GHR: variants seen among roughly 807,000 people sequenced by gnomAD.
GHR encodes growth hormone receptor.
Under a neutral mutation model 67.1 loss-of-function variants are expected in GHR, and 35 were observed. The observed-to-expected ratio is 0.52, with a 90% confidence interval of 0.40 to 0.69. The LOEUF is 0.69. Ranked by LOEUF, GHR falls within the 30% of genes least tolerant of loss-of-function variation. The probability of loss-of-function intolerance (pLI) is 0.00; values close to 1 mark genes in which losing one functional copy is unlikely to be tolerated. For synonymous variants in GHR, 272 were observed against 269.1 expected, an observed-to-expected ratio of 1.01 and a Z score of -0.10; for missense variants, 792 against 764.6, an observed-to-expected ratio of 1.04 and a Z score of -0.42.
intron 2 of GHR, among the ~76,000 whole-genome samples, chr5:42,611,482 A>T: frequency 6.6e-6 from 1 of 152,188 alleles, no homozygotes; most frequent in Admixed American, 6.5e-5. Context: ...AGGTTAATTA[A>T]TCAACATGTA....
At chr5:42,560,936 C>A (rs1002846114) in intron 1 of GHR, among the ~76,000 whole-genome samples, 1 of 152,152 alleles carries the variant, frequency 6.6e-6, no homozygotes, top group Admixed American at 6.5e-5. Context: ...CTAAGGAAAA[C>A]CCACTTTTGC....
At chr5:42,640,024 C>A (rs1296304910) in intron 3 of GHR, among the ~76,000 whole-genome samples, 2 of 152,180 alleles carry the variant, frequency 1.3e-5, no homozygotes, top group Non-Finnish European at 2.9e-5. Context: ...TTTTCCTCAA[C>A]ACTAATACTG....
At chr5:42,640,711 A>T (rs1754425585) in intron 3 of GHR, among the ~76,000 whole-genome samples, 1 of 152,136 alleles carries the variant, frequency 6.6e-6, no homozygotes, top group Admixed American at 6.5e-5. Flanking sequence ...TTTAAAAATA[A>T]ATATTCAGTG....
At chr5:42,508,976 A>G (rs1363041529) in intron 1 of GHR, among the ~76,000 whole-genome samples, 1 of 152,248 alleles carries the variant, frequency 6.6e-6, no homozygotes, top group Non-Finnish European at 1.5e-5. Flanking sequence ...TGAAATTTGT[A>G]TCTATGGGTG....
chr5:42,610,124 G>T (rs1371816306), intron 2 of GHR, among the ~76,000 whole-genome samples: 1 of 152,152 alleles, frequency 6.6e-6, no homozygotes, highest in Non-Finnish European at 1.5e-5. Flanking sequence ...AGTAAGACCA[G>T]CCAGATATCA....
At chr5:42,672,379 G>T (rs1030353952) in intron 3 of GHR, among the ~76,000 whole-genome samples, 1 of 152,168 alleles carries the variant, frequency 6.6e-6, no homozygotes, top group Non-Finnish European at 1.5e-5. Flanking sequence ...AACCAAGAAT[G>T]TAATCCCATT....
At chr5:42,581,328 T>C (rs1472447461) in intron 2 of GHR, among the ~76,000 whole-genome samples, 1 of 152,178 alleles carries the variant, frequency 6.6e-6, no homozygotes, top group Non-Finnish European at 1.5e-5. Flanking sequence ...TGCAAGCTTG[T>C]TGTGAGGATT....
intron 3 of GHR, among the ~76,000 whole-genome samples, chr5:42,663,858 C>T (rs576252863): frequency 6.6e-6 from 1 of 152,250 alleles, no homozygotes; most frequent in East Asian, 1.9e-4. Flanking sequence ...ATTGTCTCAG[C>T]CCAAAATCTC....
At chr5:42,538,707 T>A (rs1748372668) in intron 1 of GHR, among the ~76,000 whole-genome samples, 1 of 152,178 alleles carries the variant, frequency 6.6e-6, no homozygotes, top group Admixed American at 6.5e-5. Context: ...GCTTCTTATA[T>A]TTAGATATCT....
At chr5:42,653,171 A>G (rs960508635) in intron 3 of GHR, among the ~76,000 whole-genome samples, 2 of 152,166 alleles carry the variant, frequency 1.3e-5, no homozygotes, top group Admixed American at 6.6e-5. Context: ...GAGCTTTAGT[A>G]TGTGGATAAT....
intron 2 of GHR, among the ~76,000 whole-genome samples, chr5:42,582,744 T>G (rs1049943713): frequency 6.6e-6 from 1 of 152,196 alleles, no homozygotes; most frequent in African/African-American, 2.4e-5. Context: ...TTCTGTCATC[T>G]CCATGCTCCC....
In GHR at chr5:42,555,498, G is replaced by A. The variant is rs192222390; in HGVS notation, c.-11-10366G>A. 1.7e-4 allele frequency among the ~76,000 whole-genome samples: 26 copies of A among 152,232 alleles called. No individual in the cohort carries two copies. The East Asian group carries it at 4.8e-3, about 28-fold the overall frequency. On this transcript the variant is annotated intron_variant, in intron 1 of 9. Coordinates refer to ENST00000230882, the MANE Select transcript of GHR (RefSeq NM_000163.5). ...CCTAGTTCACAATTGAAGAAGCATG[G>A]GAAAGTAAAGGCAGGCCTTGGAAAG... is the stretch of plus-strand genomic sequence containing the variant.
rs187787233 is a variant in GHR, at chr5:42,476,972, G to A, written c.-12+53017G>A. ...ATGTATACATGTGCCATGTTGGTGT[G>A]CTGCACCCATTAACTCGTCATTTAG... On this transcript the variant is annotated intron_variant, in intron 1 of 9. Transcript: ENST00000230882. 3.8e-3 allele frequency among the ~76,000 whole-genome samples: 575 copies of A among 151,914 alleles called. 14 individuals carry two copies. The highest frequency in any genetic ancestry group is 0.035 in the Admixed American group (536 of 15,262).
At chr5:42,643,030 A>T (rs2112795616) in intron 3 of GHR, among the ~76,000 whole-genome samples, 1 of 152,292 alleles carries the variant, frequency 6.6e-6, no homozygotes, top group South Asian at 2.1e-4. Context: ...TACCTTAATT[A>T]TATCTGTAAA....
intron 6 of GHR, among the ~76,000 whole-genome samples, chr5:42,700,656 T>C (rs1051499983): frequency 2.0e-5 from 3 of 152,038 alleles, no homozygotes; most frequent in Non-Finnish European, 4.4e-5. Context: ...CTGCTCCCAA[T>C]ATAACTAATT....
chr5:42,511,410 A>T (rs1747009383), intron 1 of GHR, among the ~76,000 whole-genome samples: 1 of 152,164 alleles, frequency 6.6e-6, no homozygotes, highest in African/African-American at 2.4e-5. Context: ...AAGTATTAAG[A>T]TCCGTGAGGG....
At chr5:42,433,732 A>ATTTTTTTTTTTTTTTTTTTGTT (rs1743199719) in intron 1 of GHR, among the ~76,000 whole-genome samples, 1 of 77,584 alleles carries the variant, frequency 1.3e-5, no homozygotes. Context: ...AAGATATGGT[A>ATTTTTTTTTTTTTTTTTTTGTT]TTTTTTTTTT....
intron 1 of GHR, among the ~76,000 whole-genome samples, chr5:42,495,221 A>G (rs552668125): frequency 6.6e-6 from 1 of 152,176 alleles, no homozygotes; most frequent in South Asian, 2.1e-4. Context: ...CACCACATTC[A>G]GGCCACTTAG....
intron 1 of GHR, among the ~76,000 whole-genome samples, chr5:42,461,350 T>C (rs1280411735): frequency 6.6e-6 from 1 of 152,260 alleles, no homozygotes; most frequent in African/African-American, 2.4e-5. Flanking sequence ...AGAATAAATC[T>C]TTAACATTTC....
Sources: allele counts gnomAD v4.1 joint callset (sites outside exome capture counted in the v4.1 genomes callset), GRCh38; gene constraint gnomAD v4.1.1; transcripts MANE v1.5; gene names NCBI Gene and HGNC (gene_info 2026-07-23, HGNC 2026-07-21).